ITIH5: variants seen among roughly 807,000 people sequenced by gnomAD.
ITIH5 encodes inter-alpha-trypsin inhibitor heavy chain H5.
In ITIH5, 65 loss-of-function variants were observed where a neutral mutation model predicts 77.5. The observed-to-expected ratio is 0.84, with a 90% CI of 0.69 to 1.03. ITIH5 has a LOEUF of 1.03. Among genes scored for constraint, ITIH5 ranks in the 50% least tolerant of loss-of-function variants. The pLI is 0.00. For synonymous variants in ITIH5, 525 were observed against 494.3 expected, an observed-to-expected ratio of 1.06 and a Z score of -0.82; for missense variants, 1,208 against 1,213.1, an observed-to-expected ratio of 1.00 and a Z score of 0.06.
At position 7,637,348 on chromosome 10, in the gene ITIH5, G is replaced by A; in HGVS notation, c.532C>T (p.Pro178Ser). The A allele has an allele frequency of 6.2e-7, 1 of 1,614,166 alleles. No homozygotes were observed. Among genetic ancestry groups the A allele is most frequent in the Non-Finnish European group, 8.5e-7 (1 of 1,180,044 alleles). Residue 178 changes from proline to serine, a missense_variant, in exon 5 of 14, where the codon CCC becomes TCC. Transcript: ENST00000397146. ...GKYEHSISVR[P>S]QQLSGRLSVD... ...CTCAGCCTCCCGGACAGCTGCTGGGGCCGCACGCTGATGCTGTGCTCGTAC... is the reference window on the plus strand; with the variant it reads ...CTCAGCCTCCCGGACAGCTGCTGGGACCGCACGCTGATGCTGTGCTCGTAC...
chr10:7,639,180 C>T (rs191214793), intron 4 of ITIH5, among the ~76,000 whole-genome samples: 74 of 152,174 alleles, frequency 4.9e-4, no homozygotes, highest in African/African-American at 1.7e-3. Flanking sequence ...ACCAGAGGCA[C>T]GATGAGGCAA....
chr10:7,655,545 G>T, intron 2 of ITIH5, 86 bp downstream of exon 2: 2 of 1,064,482 alleles, frequency 1.9e-6, no homozygotes, highest in Non-Finnish European at 2.9e-6. Context: ...TGTTTTGGAG[G>T]ATCTGCAAGC....
intron 1 of ITIH5, among the ~76,000 whole-genome samples, chr10:7,660,925 G>A (rs1445749793): frequency 6.6e-6 from 1 of 152,194 alleles, no homozygotes; most frequent in Non-Finnish European, 1.5e-5. Flanking sequence ...CTCCATCGCC[G>A]GGGCGTGGAC....
In ITIH5 at chr10:7,616,114, GA is replaced by G. The variant is rs1403743639; in HGVS notation, c.823-17del. ...CATTTAGAACCTGGTGGAGGGAAAAGAAAGTAAAAACGGTAGTACCTAGAGC... is the reference window on the plus strand; with the variant it reads ...CATTTAGAACCTGGTGGAGGGAAAAGAAGTAAAAACGGTAGTACCTAGAGC... On this transcript the variant is annotated splice_polypyrimidine_tract_variant and intron_variant, in intron 6 of 13. Transcript: ENST00000397146. The G allele has an allele frequency of 1.3e-6, 2 of 1,492,242 alleles. No homozygotes were observed. Among genetic ancestry groups the G allele is most frequent in the Non-Finnish European group, 1.9e-6 (2 of 1,069,466 alleles). 92.4% of individuals were successfully genotyped at this position (1,492,242 alleles called of 1,614,324 possible). A position where few individuals can be genotyped will look rare whatever the true frequency, so the allele number is the denominator to read the frequency against.
chr10:7,628,883 G>A lies in ITIH5; in HGVS notation c.652+8345C>T, dbSNP rs868386623. On this transcript the variant is annotated intron_variant, in intron 5 of 13. Transcript: ENST00000397146. The stretch of plus-strand genomic sequence containing the variant: ...TTGTAGCGTGTGTCCGTGTTGTAGC[G>A]TGTGTCCGTGTTGTGGCATGCATCC... Among the ~76,000 whole-genome samples, 109 of 120,980 alleles carry A rather than the reference G, an allele frequency of 9.0e-4. 4 individuals are homozygous for A. The highest frequency in any genetic ancestry group is 1.5e-3 in the East Asian group (6 of 4,014). 79.4% of individuals were successfully genotyped at this position (120,980 alleles called of 152,430 possible).
intron 11 of ITIH5, chr10:7,571,278 G>A (rs1031759357): frequency 1.3e-5 from 2 of 152,166 alleles, no homozygotes; most frequent in Non-Finnish European, 2.9e-5. Flanking sequence ...TTGTCTCTTG[G>A]TGTCCATGGG....
chr10:7,573,303 T>C (rs1344586109), intron 10 of ITIH5, 108 bp from the exon 11 acceptor site: 1 of 833,722 alleles, frequency 1.2e-6, no homozygotes, highest in Non-Finnish European at 2.0e-6. Flanking sequence ...TTAGGTACGT[T>C]TGTAACAGCT....
At chr10:7,644,632 TCAC>T (rs1833959084) in intron 2 of ITIH5, among the ~76,000 whole-genome samples, 1 of 78,974 alleles carries the variant, frequency 1.3e-5, no homozygotes, top group Non-Finnish European at 2.9e-5. Context: ...ATCACATATA[TCAC>T]ATATATATCA....
At chr10:7,647,895 T>C (rs114223223) in intron 2 of ITIH5, among the ~76,000 whole-genome samples, 2,224 of 152,072 alleles carry the variant, frequency 0.015, 47 homozygotes, top group African/African-American at 0.051. Context: ...AGGTAAAAGG[T>C]AGTCAACCCC....
chr10:7,617,314 T>G, intron 5 of ITIH5, 32 bp from the exon 6 acceptor site: 1 of 1,053,372 alleles, frequency 9.5e-7, no homozygotes, highest in Non-Finnish European at 1.2e-6. Flanking sequence ...AATTAATAAC[T>G]TAATATATAT....
rs374788178 is a variant in ITIH5 at position 7,640,759 on chromosome 10, T to C, written c.396A>G (p.Glu132=). ...CTTAATTAACCAATACTTACCCATT[T>C]TCTTCTGTGGTTTTATTCCTTTTCT... ...VKEKRNKTTE[E]NGEKGTEIFR... Residue 132 remains glutamate (E), a synonymous_variant, in exon 4 of 14, where the codon GAA becomes GAG. Transcript: ENST00000397146. 2.5e-6 allele frequency: 4 copies of C among 1,606,472 alleles called. No individual in the cohort carries two copies. In the African/African-American group the frequency reaches 4.0e-5, roughly 16 times the overall value.
chr10:7,593,930 G>T (rs528023606), intron 7 of ITIH5, among the ~76,000 whole-genome samples: 18 of 152,378 alleles, frequency 1.2e-4, no homozygotes, highest in African/African-American at 4.3e-4. Flanking sequence ...GGGCTGAGCA[G>T]CCAAGAGCTC....
intron 5 of ITIH5, chr10:7,621,460 A>G (rs1268989393): frequency 1.3e-5 from 2 of 152,196 alleles, no homozygotes; most frequent in African/African-American, 2.4e-5. Flanking sequence ...TTACTAGCTC[A>G]TGATGAAAAT....
At chr10:7,640,011 G>T (rs1466884558) in intron 4 of ITIH5, among the ~76,000 whole-genome samples, 1 of 152,000 alleles carries the variant, frequency 6.6e-6, no homozygotes, top group Non-Finnish European at 1.5e-5. Context: ...TGTGAATGCA[G>T]AGTAAAAGTA....
In ITIH5 at chr10:7,563,207, A is replaced by C; in HGVS notation, c.2705T>G (p.Ile902Arg). 2 of 1,614,178 alleles carry C rather than the reference A, an allele frequency of 1.2e-6. No individual in the cohort carries two copies. Among genetic ancestry groups the C allele is most frequent in the Non-Finnish European group, 1.7e-6 (2 of 1,180,020 alleles). Residue 902 changes from isoleucine (I) to arginine (R), a missense_variant, in exon 14 of 14, where the codon ATA (isoleucine) becomes AGA (arginine). Ile to Arg is a moderately conservative substitution (Grantham distance 97, BLOSUM62 -3). Transcript: ENST00000397146. Reference protein sequence around the residue: ...QRKIYNGEEQIDCWFARNNAA... With the variant: ...QRKIYNGEEQRDCWFARNNAA... Reference sequence around the variant, plus strand: ...ATTGTTCCTGGCAAACCAGCAGTCTATCTGCTCTTCCCCGTTGTAAATCTT... The same window carrying C: ...ATTGTTCCTGGCAAACCAGCAGTCTCTCTGCTCTTCCCCGTTGTAAATCTT...
chr10:7,599,625 C>G (rs1433439951), intron 7 of ITIH5, among the ~76,000 whole-genome samples: 1 of 152,160 alleles, frequency 6.6e-6, no homozygotes, highest in Non-Finnish European at 1.5e-5. Flanking sequence ...TTCCTCTCTC[C>G]CTGGCTTTGG....
chr10:7,584,287 TTTTC>T (rs1489255192), intron 8 of ITIH5, among the ~76,000 whole-genome samples: 5 of 146,350 alleles, frequency 3.4e-5, no homozygotes, highest in South Asian at 2.2e-4. Context: ...ACACCAGCCA[TTTTC>T]TTTCTTTCTT....
chr10:7,574,898 G>T (rs972569493), intron 10 of ITIH5, among the ~76,000 whole-genome samples: 1 of 150,306 alleles, frequency 6.7e-6, no homozygotes. Flanking sequence ...GTCCAGATCC[G>T]ATCTCTCCTG....
At chr10:7,640,633 TA>T in intron 4 of ITIH5, 120 bp downstream of exon 4, 1 of 645,696 alleles carries the variant, frequency 1.5e-6, no homozygotes, top group Admixed American at 2.8e-5. Context: ...TATATTTTGA[TA>T]AAAAAGAAAG....
Sources: allele counts gnomAD v4.1 joint callset (sites outside exome capture counted in the v4.1 genomes callset), GRCh38; gene constraint gnomAD v4.1.1; transcripts MANE v1.5; gene names NCBI Gene and HGNC (gene_info 2026-07-23, HGNC 2026-07-21).